Variants in DCP2 observed in about 807,000 individuals in gnomAD.
DCP2 encodes the protein decapping mRNA 2, also known as m7GpppN-mRNA hydrolase.
Under a neutral mutation model 56.1 loss-of-function variants are expected in DCP2, and 30 were observed. The observed-to-expected ratio is 0.53, with a 90% CI of 0.40 to 0.73. The LOEUF (loss-of-function observed/expected upper bound fraction) is 0.73. Among genes scored for constraint, DCP2 ranks in the 30% least tolerant of loss-of-function variants. DCP2 has a pLI of 0.00. For missense variants in DCP2, 533 were observed against 502.7 expected (o/e 1.06, Z -0.58); for synonymous variants, 197 against 163.3 (o/e 1.21, Z -1.57).
chr5:113,020,132 A>G lies in DCP2; in HGVS notation c.*6648A>G, dbSNP rs1359466313. The G allele has an allele frequency of 6.6e-6, 1 of 152,196 alleles. No homozygotes were observed. The highest frequency in any genetic ancestry group is 2.4e-5 in the African/African-American group (1 of 41,452). 9.4% of individuals were successfully genotyped at this position (152,196 alleles called of 1,614,324 possible). ...TATTTATGCTGAGTTATGTTAAGCAAATTATTTTGAGACCTTTTGCTGGTA... is the reference window on the plus strand; with the variant it reads ...TATTTATGCTGAGTTATGTTAAGCAGATTATTTTGAGACCTTTTGCTGGTA... On this transcript the variant is annotated 3_prime_UTR_variant, in exon 11 of 11. Transcript: ENST00000389063.
intron 5 of DCP2, 25 bp from the exon 6 acceptor site, chr5:113,001,332 T>C: frequency 2.5e-6 from 4 of 1,598,050 alleles, no homozygotes; most frequent in Non-Finnish European, 2.6e-6. Context: ...ATTAACTAAA[T>C]GAATTATTTT....
chr5:112,996,712 CT>C (rs972632745), intron 4 of DCP2, among the ~76,000 whole-genome samples: 13 of 151,868 alleles, frequency 8.6e-5, no homozygotes, highest in Middle Eastern at 3.4e-3. Context: ...TTTAGCAGAC[CT>C]TTTTTTTGGG....
In DCP2 at chr5:112,981,633, G is replaced by T. The variant is rs184214297; in HGVS notation, c.54-4202G>T. 1.8e-3 allele frequency among the ~76,000 whole-genome samples: 276 copies of T among 152,242 alleles called. 1 individual carries two copies. The highest frequency in any genetic ancestry group is 6.3e-3 in the African/African-American group (263 of 41,508). On this transcript the variant is annotated intron_variant, in intron 1 of 10. Coordinates refer to ENST00000389063, the MANE Select transcript of DCP2 (RefSeq NM_152624.6). ...ATCGGGGCATAGTCAGGAGCCCTTT[G>T]TAAGTGTCTTGCAGAATATCTGAAT...
chr5:112,993,765 A>G (rs113607115), intron 4 of DCP2, among the ~76,000 whole-genome samples: 43 of 152,082 alleles, frequency 2.8e-4, no homozygotes, highest in African/African-American at 9.2e-4. Flanking sequence ...TTTTCCCTGA[A>G]GGACTGCCAC....
intron 4 of DCP2, among the ~76,000 whole-genome samples, chr5:112,997,977 G>C (rs1748945365): frequency 6.6e-6 from 1 of 152,098 alleles, no homozygotes; most frequent in African/African-American, 2.4e-5. Flanking sequence ...TTGAGAAGTT[G>C]ATACTCCTTC....
At chr5:112,983,060 C>G (rs1316597351) in intron 1 of DCP2, among the ~76,000 whole-genome samples, 6 of 152,124 alleles carry the variant, frequency 3.9e-5, no homozygotes, top group African/African-American at 1.4e-4. Context: ...AAGTTGGGCT[C>G]AAGGATTTCA....
rs1310551009 is a variant in DCP2 at position 113,020,826 on chromosome 5, A to G, written c.*7342A>G. 1 of 152,222 alleles carries G rather than the reference A, an allele frequency of 6.6e-6. No individual in the cohort carries two copies. The highest frequency in any genetic ancestry group is 2.4e-5 in the African/African-American group (1 of 41,450). 9.4% of individuals were successfully genotyped at this position (152,222 alleles called of 1,614,324 possible). On this transcript the variant is annotated 3_prime_UTR_variant, in exon 11 of 11. Coordinates refer to ENST00000389063, the MANE Select transcript of DCP2 (RefSeq NM_152624.6). ...GATGTAAATAATAGGTTAGAAACTA[A>G]AAGCCTTTTAATCTTACAAAATACA... is the stretch of plus-strand genomic sequence containing the variant.
Position 112,976,970 on chromosome 5 carries a change from C to A in DCP2, c.37C>A (p.Leu13Met). The A allele has an allele frequency of 6.3e-7, 1 of 1,594,640 alleles. No homozygotes were observed. Among genetic ancestry groups the A allele is most frequent in the South Asian group, 1.1e-5 (1 of 90,218 alleles). ...TKRVEIPGSV[L>M]DDLCSRFILH... is the part of the protein sequence containing the mutation. ...ACGGGTGGAGATTCCCGGCAGCGTC[C>A]TGGACGATCTCTGCAGGTACCGCGC... The change falls in exon 1 of 11, where the codon CTG (leucine) becomes ATG (methionine). Residue 13 changes from leucine (L) to methionine (M), a missense_variant. By Grantham distance (15) the Leu-to-Met change is conservative. Around this residue, in one of 3 missense-constraint regions of DCP2, gnomAD observed 137 missense variants for 138.2 expected, o/e 0.99. Transcript: ENST00000389063.
At position 113,013,574 on chromosome 5, in the gene DCP2, T is replaced by A. The variant is rs1307755880; in HGVS notation, c.*90T>A. 2 of 1,457,336 alleles carry A rather than the reference T, an allele frequency of 1.4e-6. No homozygotes were observed. Among genetic ancestry groups the A allele is most frequent in the Middle Eastern group, 2.0e-4 (1 of 5,118 alleles). 90.3% of individuals were successfully genotyped at this position (1,457,336 alleles called of 1,614,324 possible). Reference sequence around the variant, plus strand: ...TCAAGCCTTACCTTTCTCAGGTGTTTTAAAGAAATGCAGGGAGGCAATGTT... The same window carrying A: ...TCAAGCCTTACCTTTCTCAGGTGTTATAAAGAAATGCAGGGAGGCAATGTT... On this transcript the variant is annotated 3_prime_UTR_variant, in exon 11 of 11. Transcript: ENST00000389063.
rs1012215315 is a variant in DCP2 at position 113,014,230 on chromosome 5, C to T, written c.*746C>T. The T allele has an allele frequency of 1.3e-5, 2 of 152,226 alleles. No individual in the cohort carries two copies. The highest frequency in any genetic ancestry group is 4.8e-5 in the African/African-American group (2 of 41,454). The allele number at this position is 152,226 out of a possible 1,614,324, so 9.4% of individuals were successfully genotyped here. Reference sequence around the variant, plus strand: ...AGACAGCATGGAGGCTGGGACCCAGCAGCTACTTTGGGTCATGTCTTTACT... The same window carrying T: ...AGACAGCATGGAGGCTGGGACCCAGTAGCTACTTTGGGTCATGTCTTTACT... On this transcript the variant is annotated 3_prime_UTR_variant, in exon 11 of 11. Coordinates refer to ENST00000389063, the MANE Select transcript of DCP2 (RefSeq NM_152624.6).
chr5:112,978,997 TTAAA>T (rs1747864672), intron 1 of DCP2, among the ~76,000 whole-genome samples: 1 of 152,188 alleles, frequency 6.6e-6, no homozygotes, highest in Admixed American at 6.5e-5. Context: ...ATTACATCAT[TTAAA>T]TAAGTGATGT....
intron 2 of DCP2, among the ~76,000 whole-genome samples, chr5:112,989,614 A>C (rs1748486593): frequency 6.6e-6 from 1 of 152,208 alleles, no homozygotes; most frequent in African/African-American, 2.4e-5. Flanking sequence ...ATTTCTTTAA[A>C]AAACAGATTA....
Position 113,013,222 on chromosome 5 carries a change from A to G in DCP2, c.1100-99A>G, listed in dbSNP as rs949538925. ...GGTTAGAGTCTGGGAAGATAAATAT[A>G]TACTCAAAACTAATTGTTTTGTAAC... On this transcript the variant is annotated intron_variant, in intron 10 of 10. Coordinates refer to ENST00000389063, the MANE Select transcript of DCP2 (RefSeq NM_152624.6). 3.9e-6 allele frequency: 5 copies of G among 1,269,422 alleles called. No individual in the cohort carries two copies. The South Asian group carries it at 4.8e-5, about 12-fold the overall frequency. The allele number at this position is 1,269,422 out of a possible 1,614,324, so 78.6% of individuals were successfully genotyped here. A position where few individuals can be genotyped will look rare whatever the true frequency, so the allele number is the denominator to read the frequency against.
chr5:112,993,152 G>A (rs1748675026), intron 4 of DCP2, among the ~76,000 whole-genome samples: 1 of 152,062 alleles, frequency 6.6e-6, no homozygotes, highest in Admixed American at 6.5e-5. Context: ...CTAAGAAGTT[G>A]ACATTTGTTG....
In DCP2 at chr5:113,015,443, A is replaced by C. The variant is rs1160813286; in HGVS notation, c.*1959A>C. The C allele has an allele frequency of 6.6e-6, 1 of 152,200 alleles. No homozygotes were observed. The highest frequency in any genetic ancestry group is 2.4e-5 in the African/African-American group (1 of 41,328). 9.4% of individuals were successfully genotyped at this position (152,200 alleles called of 1,614,324 possible). A position where few individuals can be genotyped will look rare whatever the true frequency, so the allele number is the denominator to read the frequency against. The stretch of plus-strand genomic sequence containing the variant: ...TTGGATTTTTCAGCTCTCAATACTG[A>C]AGCAAAAGAGATTATAGTTACCAGA... On this transcript the variant is annotated 3_prime_UTR_variant, in exon 11 of 11. Transcript: ENST00000389063.
intron 1 of DCP2, among the ~76,000 whole-genome samples, chr5:112,978,734 A>G (rs1401073458): frequency 6.6e-6 from 1 of 151,790 alleles, no homozygotes; most frequent in Non-Finnish European, 1.5e-5. Flanking sequence ...TATGTGGGTT[A>G]ATGACTAGAC....
rs1750118589 is a variant in DCP2, at chr5:113,021,384, A to G, written c.*7900A>G. On this transcript the variant is annotated 3_prime_UTR_variant, in exon 11 of 11. Coordinates refer to ENST00000389063, the MANE Select transcript of DCP2 (RefSeq NM_152624.6). ...CTCTGTCTGGAAAAAACAAAAAACA[A>G]CCAAAAAAAAAAAAAAAAAACCCCC... is the stretch of plus-strand genomic sequence containing the variant. Among the ~76,000 whole-genome samples the G allele has an allele frequency of 9.3e-6, 1 of 107,722 alleles. No homozygotes were observed. The highest frequency in any genetic ancestry group is 4.6e-5 in the African/African-American group (1 of 21,884). The allele number at this position is 107,722 out of a possible 152,430, so 70.7% of individuals were successfully genotyped here.
intron 1 of DCP2, among the ~76,000 whole-genome samples, chr5:112,981,340 T>C (rs1352535299): frequency 2.0e-5 from 3 of 152,176 alleles, no homozygotes; most frequent in Non-Finnish European, 4.4e-5. Flanking sequence ...TAAAATTATA[T>C]TTGTTTTACG....
At chr5:113,009,961 A>G (rs1211367583) in intron 9 of DCP2, among the ~76,000 whole-genome samples, 2 of 143,368 alleles carry the variant, frequency 1.4e-5, no homozygotes, top group Non-Finnish European at 3.0e-5. Context: ...TCTGTCGTCT[A>G]GAGTACAATG....
Sources: gnomAD v4.1 joint callset for allele counts (sites outside exome capture counted in the v4.1 genomes callset) on GRCh38, gnomAD v4.1.1 for gene constraint, gnomAD v4.1.1 regional missense constraint, MANE v1.5 for transcripts, NCBI Gene and HGNC (gene_info 2026-07-23, HGNC 2026-07-21) for gene names.